Variants in SLC5A1 observed in about 807,000 individuals in gnomAD.
SLC5A1 encodes the protein solute carrier family 5 member 1.
Under a neutral mutation model 73.5 loss-of-function variants are expected in SLC5A1, and 42 were observed. The ratio of observed to expected loss-of-function variants is 0.57; its 90% CI spans 0.45 to 0.74. SLC5A1 has a LOEUF of 0.74. Ranked by LOEUF, SLC5A1 falls within the 30% of genes least tolerant of loss-of-function variation. SLC5A1 has a pLI of 0.00. For synonymous variants in SLC5A1, 300 were observed against 317.4 expected (o/e 0.95, Z 0.58); for missense variants, 634 against 855.4 (o/e 0.74, Z 3.23).
In SLC5A1 at chr22:32,095,771, C is replaced by A. The variant is rs1302318028; in HGVS notation, c.1281-3412C>A. 3.3e-5 allele frequency among the ~76,000 whole-genome samples: 5 copies of A among 152,196 alleles called. No homozygotes were observed. The South Asian group carries it at 1.0e-3, about 32-fold the overall frequency. ...ATGTGTTAGGTGAGTTTCTTGAAGG[C>A]AGCAGATACTTGATTGATAAATTCT... is the stretch of plus-strand genomic sequence containing the variant. On this transcript the variant is annotated intron_variant, in intron 11 of 14. Coordinates refer to ENST00000266088, the MANE Select transcript of SLC5A1 (RefSeq NM_000343.4).
chr22:32,089,547 A>C (rs1030425865), intron 10 of SLC5A1, among the ~76,000 whole-genome samples: 3 of 152,242 alleles, frequency 2.0e-5, no homozygotes, highest in Non-Finnish European at 4.4e-5. Flanking sequence ...GAGAGAGTTC[A>C]AGGGAACATG....
intron 10 of SLC5A1, among the ~76,000 whole-genome samples, chr22:32,091,042 G>A (rs1306413054): frequency 1.3e-5 from 2 of 152,052 alleles, no homozygotes; most frequent in African/African-American, 4.8e-5. Context: ...CTTTGGAGAA[G>A]TGTCTATTCA....
At chr22:32,047,908 C>T (rs1300726965) in intron 1 of SLC5A1, among the ~76,000 whole-genome samples, 2 of 152,110 alleles carry the variant, frequency 1.3e-5, no homozygotes, top group Non-Finnish European at 2.9e-5. Context: ...TGCCTGTAAT[C>T]CCAGCACTTT....
At chr22:32,078,422 C>T (rs1158862770) in intron 5 of SLC5A1, among the ~76,000 whole-genome samples, 1 of 151,996 alleles carries the variant, frequency 6.6e-6, no homozygotes, top group African/African-American at 2.4e-5. Context: ...CATGCGCCAC[C>T]ACACCTGGCT....
At chr22:32,080,021 C>CG (rs2093997054) in intron 5 of SLC5A1, among the ~76,000 whole-genome samples, 1 of 152,152 alleles carries the variant, frequency 6.6e-6, no homozygotes, top group Non-Finnish European at 1.5e-5. Context: ...TCCCTGGAGC[C>CG]AGGACTTCCT....
Position 32,084,956 on chromosome 22 carries a change from C to T in SLC5A1, c.942C>T (p.Cys314=), listed in dbSNP as rs33957088. Residue 314 remains cysteine, a synonymous_variant, in exon 9 of 15, where the codon TGC becomes TGT. Transcript: ENST00000266088. ...ATATGTCTCACGTGAAGGGTGGCTG[C>T]ATCCTGTGTGGGTATCTAAAGCTGA... ...AKNMSHVKGG[C]ILCGYLKLMP... 8 of 1,614,034 alleles carry T rather than the reference C, an allele frequency of 5.0e-6. No individual in the cohort carries two copies. In the Admixed American group the frequency reaches 1.3e-4, roughly 27 times the overall value.
In SLC5A1 at chr22:32,055,116, C is replaced by A. The variant is rs2093949860; in HGVS notation, c.207+5102C>A. Among the ~76,000 whole-genome samples, 3 of 152,310 alleles carry A rather than the reference C, an allele frequency of 2.0e-5. No individual in the cohort carries two copies. The South Asian group carries it at 6.2e-4, about 32-fold the overall frequency. ...AACGCCAGTGGAAGACCTCACCTGC[C>A]TTTTGTGCCAAAAACTGGTGGGAAA... is the stretch of plus-strand genomic sequence containing the variant. On this transcript the variant is annotated intron_variant, in intron 2 of 14. Transcript: ENST00000266088.
rs531728861 is a variant in SLC5A1 at position 32,053,216 on chromosome 22, G to C, written c.207+3202G>C. 5.3e-5 allele frequency among the ~76,000 whole-genome samples: 8 copies of C among 152,160 alleles called. No homozygotes were observed. In the South Asian group the frequency reaches 1.7e-3, roughly 32 times the overall value. ...GTATATTTTGGGTGGGAGCTTTTGG[G>C]TTATCACAGCAGTGTCTGCTTTGCT... On this transcript the variant is annotated intron_variant, in intron 2 of 14. Coordinates refer to ENST00000266088, the MANE Select transcript of SLC5A1 (RefSeq NM_000343.4).
intron 10 of SLC5A1, 107 bp downstream of exon 10, chr22:32,086,434 C>T (rs935467216): frequency 8.7e-6 from 7 of 808,112 alleles, no homozygotes; most frequent in Admixed American, 1.9e-5. Flanking sequence ...ATTTCTTAGC[C>T]GGGGGGTTAG....
chr22:32,083,190 C>A, intron 7 of SLC5A1, 36 bp downstream of exon 7: 1 of 1,572,974 alleles, frequency 6.4e-7, no homozygotes, highest in Non-Finnish European at 8.7e-7. Flanking sequence ...GAGGTGGGAG[C>A]AGAGGTAGAG....
chr22:32,105,030 T>A, intron 14 of SLC5A1, 139 bp downstream of exon 14: 3 of 715,314 alleles, frequency 4.2e-6, no homozygotes, highest in Non-Finnish European at 7.5e-6. Flanking sequence ...AGGGTGGGGA[T>A]GAGATGGATA....
At chr22:32,075,298 A>G (rs1603121732) in intron 5 of SLC5A1, among the ~76,000 whole-genome samples, 1 of 152,080 alleles carries the variant, frequency 6.6e-6, no homozygotes, top group Non-Finnish European at 1.5e-5. Context: ...CACAGCTAGT[A>G]CGTGGCAAAG....
intron 13 of SLC5A1, among the ~76,000 whole-genome samples, chr22:32,103,994 T>C (rs2094040755): frequency 6.6e-6 from 1 of 152,204 alleles, no homozygotes; most frequent in Non-Finnish European, 1.5e-5. Flanking sequence ...CCCAAGGTCA[T>C]ATTTATTCCT....
At chr22:32,045,740 C>T (rs2093936308) in intron 1 of SLC5A1, among the ~76,000 whole-genome samples, 1 of 152,182 alleles carries the variant, frequency 6.6e-6, no homozygotes, top group Non-Finnish European at 1.5e-5. Flanking sequence ...CTTTCACCAC[C>T]TATCAGTTTG....
intron 2 of SLC5A1, among the ~76,000 whole-genome samples, chr22:32,065,493 ACT>A (rs1208297929): frequency 2.6e-5 from 4 of 151,786 alleles, no homozygotes; most frequent in Non-Finnish European, 5.9e-5. Context: ...CAATCTAATC[ACT>A]CTGTCATACC....
At chr22:32,047,232 G>T (rs1320301557) in intron 1 of SLC5A1, among the ~76,000 whole-genome samples, 1 of 152,164 alleles carries the variant, frequency 6.6e-6, no homozygotes, top group Admixed American at 6.5e-5. Context: ...ATGAGGAGAT[G>T]AAAATTCCAG....
chr22:32,057,390 C>T (rs1207341324), intron 2 of SLC5A1, among the ~76,000 whole-genome samples: 1 of 152,080 alleles, frequency 6.6e-6, no homozygotes, highest in African/African-American at 2.4e-5. Context: ...CCTCAGCCTC[C>T]CGAGTATCTG....
At chr22:32,074,256 C>T (rs1379620983) in intron 5 of SLC5A1, among the ~76,000 whole-genome samples, 1 of 152,086 alleles carries the variant, frequency 6.6e-6, no homozygotes, top group Non-Finnish European at 1.5e-5. Context: ...AAATTAGGTG[C>T]CCAACCTCTC....
Position 32,043,482 on chromosome 22 carries a change from G to A in SLC5A1, c.135+66G>A. The stretch of plus-strand genomic sequence containing the variant: ...ACAGAGGAGGAGCAATGGCCTCGCT[G>A]AGCTGCAAGGGGCAGTAGGCTTAAG... On this transcript the variant is annotated intron_variant, in intron 1 of 14. Transcript: ENST00000266088. The surrounding 1 kb of genome is among the most constrained non-coding windows in gnomAD (Gnocchi z 6.5). 6.5e-7 allele frequency: 1 copy of A among 1,550,218 alleles called. No individual in the cohort carries two copies. Among genetic ancestry groups the A allele is most frequent in the South Asian group, 1.1e-5 (1 of 87,802 alleles).
Sources: allele counts gnomAD v4.1 joint callset (sites outside exome capture counted in the v4.1 genomes callset), GRCh38; gene constraint gnomAD v4.1.1; non-coding constraint Gnocchi (gnomAD v3.1); transcripts MANE v1.5; gene names NCBI Gene and HGNC (gene_info 2026-07-23, HGNC 2026-07-21).